TULP4: variants seen among roughly 807,000 people sequenced by gnomAD.
TULP4 encodes the protein tubby-related protein 4.
TULP4 carries 16 observed loss-of-function variants against 129.0 expected under a neutral mutation model. The observed-to-expected ratio is 0.12, with a 90% CI of 0.08 to 0.19. TULP4 has a LOEUF of 0.19. Ranked by LOEUF, TULP4 falls within the 10% of genes least tolerant of loss-of-function variation. The pLI is 1.00. For synonymous variants in TULP4, 998 were observed against 854.0 expected (o/e 1.17, Z -2.94); for missense variants, 1,842 against 2,059.1 (o/e 0.89, Z 2.04).
At chr6:158,497,809 C>T (rs1780365545) in intron 11 of TULP4, among the ~76,000 whole-genome samples, 1 of 152,210 alleles carries the variant, frequency 6.6e-6, no homozygotes, top group Non-Finnish European at 1.5e-5. Context: ...AGGAGGCCTG[C>T]TGTGCCGCAG....
Position 158,392,794 on chromosome 6 carries a change from C to CTTTTTTTTTTTTTTTTTTTTTTTT in TULP4, c.253-20269_253-20246dup, listed in dbSNP as rs773565295. On this transcript the variant is annotated intron_variant, in intron 1 of 13. Coordinates refer to ENST00000367097, the MANE Select transcript of TULP4 (RefSeq NM_020245.5). Reference sequence around the variant, plus strand: ...GTACCTATTGTTTAAATTTGTATTTCTTTTTTTTTTTTTTTTTTTTTTTTT... The same window carrying CTTTTTTTTTTTTTTTTTTTTTTTT: ...GTACCTATTGTTTAAATTTGTATTTCTTTTTTTTTTTTTTTTTTTTTTTTTTTTTTTTTTTTTTTTTTTTTTTTT... 3.7e-5 allele frequency among the ~76,000 whole-genome samples: 2 copies of CTTTTTTTTTTTTTTTTTTTTTTTT among 54,642 alleles called. 1 individual carries two copies. The allele number at this position is 54,642 out of a possible 152,430, so 35.8% of individuals were successfully genotyped here.
chr6:158,457,121 A>G (rs1020714197), intron 5 of TULP4, among the ~76,000 whole-genome samples: 1 of 152,180 alleles, frequency 6.6e-6, no homozygotes, highest in African/African-American at 2.4e-5. Flanking sequence ...CATCTGTTCT[A>G]TTACAGACAG....
intron 1 of TULP4, among the ~76,000 whole-genome samples, chr6:158,243,248 T>G (rs978190790): frequency 2.0e-5 from 3 of 152,200 alleles, no homozygotes; most frequent in African/African-American, 7.2e-5. Context: ...AGCTGTCATA[T>G]AATTTTGTCT....
intron 3 of TULP4, among the ~76,000 whole-genome samples, chr6:158,430,352 C>T (rs912901910): frequency 3.9e-5 from 6 of 152,008 alleles, no homozygotes; most frequent in Non-Finnish European, 7.4e-5. Flanking sequence ...GCCTCTGGTT[C>T]GTTTTTTAAA....
At chr6:158,252,560 G>C (rs2128452848) in intron 1 of TULP4, among the ~76,000 whole-genome samples, 1 of 152,038 alleles carries the variant, frequency 6.6e-6, no homozygotes. Context: ...ATTTTCGGTA[G>C]AGACGAGGTT....
intron 1 of TULP4, among the ~76,000 whole-genome samples, chr6:158,358,060 C>T (rs1052113351): frequency 4.6e-5 from 7 of 152,182 alleles, no homozygotes; most frequent in Non-Finnish European, 1.0e-4. Flanking sequence ...GGACTCTGAA[C>T]ATTTTAAAGC....
At chr6:158,250,656 G>T (rs1254556453) in intron 1 of TULP4, among the ~76,000 whole-genome samples, 1 of 152,140 alleles carries the variant, frequency 6.6e-6, no homozygotes, top group African/African-American at 2.4e-5. Flanking sequence ...TTTGTTTTCT[G>T]TGTTTCGCAA....
chr6:158,301,775 T>C (rs1034587506), intron 1 of TULP4, among the ~76,000 whole-genome samples: 1 of 152,202 alleles, frequency 6.6e-6, no homozygotes, highest in South Asian at 2.1e-4. Context: ...ATTCCAGTTC[T>C]AGTGAAGCCT....
At chr6:158,301,557 C>T (rs915144590) in intron 1 of TULP4, among the ~76,000 whole-genome samples, 8 of 152,110 alleles carry the variant, frequency 5.3e-5, no homozygotes, top group South Asian at 2.1e-4. Flanking sequence ...TATTCTACAC[C>T]GAGCTTGTCC....
In TULP4 at chr6:158,398,894, A is replaced by G. The variant is rs1030779056; in HGVS notation, c.253-14171A>G. Among the ~76,000 whole-genome samples, 5 of 152,310 alleles carry G rather than the reference A, an allele frequency of 3.3e-5. No individual in the cohort carries two copies. The East Asian group carries it at 9.6e-4, about 29-fold the overall frequency. On this transcript the variant is annotated intron_variant, in intron 1 of 13. Transcript: ENST00000367097. ...CACTCCCTAAGTGACAAGCCAGTGTATTAGTCTGAGGTGCGGGTTATTTTT... is the reference window on the plus strand; with the variant it reads ...CACTCCCTAAGTGACAAGCCAGTGTGTTAGTCTGAGGTGCGGGTTATTTTT...
chr6:158,394,024 A>C (rs1293232876), intron 1 of TULP4, among the ~76,000 whole-genome samples: 1 of 152,104 alleles, frequency 6.6e-6, no homozygotes, highest in Non-Finnish European at 1.5e-5. Context: ...CCATCTTTTT[A>C]TGAACACATA....
At chr6:158,233,040 T>G (rs1777627125) in intron 1 of TULP4, among the ~76,000 whole-genome samples, 1 of 152,224 alleles carries the variant, frequency 6.6e-6, no homozygotes, top group South Asian at 2.1e-4. Context: ...TTTGACCCGC[T>G]TGGGGCAATT....
chr6:158,490,509 A>G (rs1562588652), intron 9 of TULP4, among the ~76,000 whole-genome samples: 1 of 152,054 alleles, frequency 6.6e-6, no homozygotes, highest in East Asian at 1.9e-4. Flanking sequence ...TAATTCTGTG[A>G]TTTTTTTTCT....
At chr6:158,412,339 C>G (rs1027229453) in intron 1 of TULP4, among the ~76,000 whole-genome samples, 5 of 152,170 alleles carry the variant, frequency 3.3e-5, no homozygotes, top group Admixed American at 2.6e-4. Context: ...CTCAGTCCCT[C>G]GCTACTTTTA....
rs148334124 is a variant in TULP4 at position 158,454,976 on chromosome 6, G to A, written c.859+2708G>A. Among the ~76,000 whole-genome samples the A allele has an allele frequency of 8.1e-3, 1,233 of 152,152 alleles. 5 individuals are homozygous for A. The highest frequency in any genetic ancestry group is 0.013 in the Non-Finnish European group (890 of 67,998). On this transcript the variant is annotated intron_variant, in intron 5 of 13. Coordinates refer to ENST00000367097, the MANE Select transcript of TULP4 (RefSeq NM_020245.5). ...TAGAAGGATATGTTAGGTAAGTTGGGGAGGTGACCCAAAGTAGCCCTCCCA... is the reference window on the plus strand; with the variant it reads ...TAGAAGGATATGTTAGGTAAGTTGGAGAGGTGACCCAAAGTAGCCCTCCCA...
At chr6:158,402,348 A>G (rs1190759107) in intron 1 of TULP4, among the ~76,000 whole-genome samples, 2 of 151,506 alleles carry the variant, frequency 1.3e-5, no homozygotes, top group Non-Finnish European at 2.9e-5. Flanking sequence ...GCACAAGGTT[A>G]ATGCTCAGCT....
At chr6:158,405,404 C>A (rs914821034) in intron 1 of TULP4, among the ~76,000 whole-genome samples, 4 of 151,724 alleles carry the variant, frequency 2.6e-5, no homozygotes, top group Non-Finnish European at 4.4e-5. Context: ...GTAGAGGCTG[C>A]GAAGGCCCCG....
chr6:158,487,273 TAAAG>T (rs1446739866), intron 8 of TULP4, among the ~76,000 whole-genome samples: 7 of 149,800 alleles, frequency 4.7e-5, no homozygotes, highest in East Asian at 2.0e-4. Context: ...AATAAGTAAA[TAAAG>T]AAAATACAAA....
At chr6:158,483,705 A>G (rs1478801362) in intron 8 of TULP4, among the ~76,000 whole-genome samples, 3 of 152,140 alleles carry the variant, frequency 2.0e-5, no homozygotes, top group African/African-American at 7.2e-5. Flanking sequence ...ACCCCCATGC[A>G]AATCACCTGG....
Sources: allele counts gnomAD v4.1 joint callset (sites outside exome capture counted in the v4.1 genomes callset), GRCh38; gene constraint gnomAD v4.1.1; transcripts MANE v1.5; gene names NCBI Gene and HGNC (gene_info 2026-07-23, HGNC 2026-07-21).